Variants in SUMF1 observed in about 807,000 individuals in gnomAD.
SUMF1 encodes sulfatase modifying factor 1.
Under a neutral mutation model 47.6 loss-of-function variants are expected in SUMF1, and 48 were observed. That is an observed-to-expected ratio of 1.01 (90% CI 0.80 to 1.28). The LOEUF (loss-of-function observed/expected upper bound fraction) is 1.28, where lower values mean the gene tolerates loss of function less well. Among genes scored for constraint, SUMF1 ranks in the 50% most tolerant of loss-of-function variants. The pLI, the probability that SUMF1 is intolerant of heterozygous loss-of-function variation, is 0.00. For synonymous variants in SUMF1, 230 were observed against 192.1 expected (o/e 1.20, Z -1.63); for missense variants, 571 against 485.4 (o/e 1.18, Z -1.66).
chr3:4,083,526 T>G (rs1692610456), intron 8 of SUMF1, among the ~76,000 whole-genome samples: 1 of 152,152 alleles, frequency 6.6e-6, no homozygotes, highest in South Asian at 2.1e-4. Flanking sequence ...GAAAAGTCTA[T>G]GTGTCTTGTT....
rs148874942 is a variant in SUMF1 at position 4,084,320 on chromosome 3, T to C, written c.1015-15575A>G. Among the ~76,000 whole-genome samples, 132 of 152,004 alleles carry C rather than the reference T, an allele frequency of 8.7e-4. 2 individuals carry two copies. Among genetic ancestry groups the C allele is most frequent in the African/African-American group, 3.0e-3 (124 of 41,416 alleles). On this transcript the variant is annotated intron_variant and NMD_transcript_variant, in intron 8 of 12. Coordinates refer to the SUMF1 transcript ENST00000448413. ...GACTATACAGGAGGCTACTCAGGAG[T>C]AGATGTTTTGAGAAATGTTGTAATT...
intron 8 of SUMF1, among the ~76,000 whole-genome samples, chr3:4,074,677 A>G (rs1259822915): frequency 6.6e-6 from 1 of 152,140 alleles, no homozygotes; most frequent in Non-Finnish European, 1.5e-5. Flanking sequence ...ATCCCATGGA[A>G]ATACAAACTA....
intron 8 of SUMF1, among the ~76,000 whole-genome samples, chr3:4,157,053 G>C (rs958010570): frequency 6.6e-6 from 1 of 151,506 alleles, no homozygotes. Context: ...TCAGTGTCTG[G>C]AGACTAACTT....
intron 3 of SUMF1, among the ~76,000 whole-genome samples, chr3:4,440,122 G>C (rs1702532746): frequency 6.6e-6 from 1 of 151,818 alleles, no homozygotes; most frequent in Non-Finnish European, 1.5e-5. Context: ...TATAATCCCA[G>C]CTACTTGGGA....
At chr3:4,123,314 T>C (rs1693585447) in intron 8 of SUMF1, among the ~76,000 whole-genome samples, 1 of 152,138 alleles carries the variant, frequency 6.6e-6, no homozygotes, top group Non-Finnish European at 1.5e-5. Flanking sequence ...ACAGACACTT[T>C]ATCTCACAAT....
rs144131589 is a variant in SUMF1, at chr3:4,076,981, G to A, written c.1015-8236C>T. On this transcript the variant is annotated intron_variant and NMD_transcript_variant, in intron 8 of 12. Coordinates refer to the SUMF1 transcript ENST00000448413. ...ATCGTGCCACTGCACTCCAGCCTGGGCAACAGAGCGAGACTCCATCTCAAA... is the reference window on the plus strand; with the variant it reads ...ATCGTGCCACTGCACTCCAGCCTGGACAACAGAGCGAGACTCCATCTCAAA... 4.5e-4 allele frequency among the ~76,000 whole-genome samples: 69 copies of A among 152,114 alleles called. No homozygotes were observed. In the East Asian group the frequency reaches 0.013, roughly 29 times the overall value.
intron 8 of SUMF1, among the ~76,000 whole-genome samples, chr3:4,093,559 CA>C (rs907506890): frequency 4.0e-5 from 6 of 150,032 alleles, no homozygotes; most frequent in Admixed American, 1.3e-4. Context: ...AAACACTAAA[CA>C]AAAAAAAAGT....
intron 7 of SUMF1, among the ~76,000 whole-genome samples, chr3:4,382,173 T>C (rs559690465): frequency 7.9e-5 from 12 of 152,360 alleles, no homozygotes; most frequent in Admixed American, 3.3e-4. Context: ...TGGTTCAGAC[T>C]GACAATGCCT....
intron 9 of SUMF1, among the ~76,000 whole-genome samples, chr3:4,047,600 G>A (rs577513059): frequency 2.0e-5 from 3 of 152,242 alleles, no homozygotes; most frequent in East Asian, 3.9e-4. Context: ...CTGGTGAGTT[G>A]GATTACATAG....
chr3:4,258,699 G>T (rs1238244853), intron 8 of SUMF1, among the ~76,000 whole-genome samples: 1 of 149,102 alleles, frequency 6.7e-6, no homozygotes, highest in Non-Finnish European at 1.5e-5. Flanking sequence ...GTGGAAGTCA[G>T]TGTGGTGATT....
intron 8 of SUMF1, among the ~76,000 whole-genome samples, chr3:4,071,398 G>A (rs1043859241): frequency 2.6e-5 from 4 of 152,158 alleles, no homozygotes; most frequent in South Asian, 2.1e-4. Context: ...CTAGCCAAGA[G>A]AAGCCATGAG....
intron 8 of SUMF1, among the ~76,000 whole-genome samples, chr3:4,150,732 GA>G (rs1306877061): frequency 7.9e-5 from 12 of 151,576 alleles, no homozygotes. Flanking sequence ...ATACCACTAT[GA>G]AAAGATGCAC....
At chr3:4,113,618 G>C (rs1209773921) in intron 8 of SUMF1, among the ~76,000 whole-genome samples, 1 of 151,920 alleles carries the variant, frequency 6.6e-6, no homozygotes, top group Non-Finnish European at 1.5e-5. Context: ...AACTAAAAGA[G>C]AGGACTTTTA....
At chr3:4,171,849 A>T (rs952730170) in intron 8 of SUMF1, among the ~76,000 whole-genome samples, 4 of 152,188 alleles carry the variant, frequency 2.6e-5, no homozygotes, top group Non-Finnish European at 4.4e-5. Context: ...CATATACCTG[A>T]AACATCAGGT....
intron 8 of SUMF1, among the ~76,000 whole-genome samples, chr3:4,112,377 T>C (rs1246684766): frequency 6.6e-6 from 1 of 152,164 alleles, no homozygotes; most frequent in Non-Finnish European, 1.5e-5. Context: ...CATTACTTAG[T>C]GTACCTGGTC....
chr3:4,280,734 C>A (rs1575048914), intron 8 of SUMF1, among the ~76,000 whole-genome samples: 1 of 151,830 alleles, frequency 6.6e-6, no homozygotes, highest in East Asian at 1.9e-4. Flanking sequence ...TAGAGAAGAG[C>A]CTGTTCCAGG....
intron 8 of SUMF1, among the ~76,000 whole-genome samples, chr3:4,169,803 CA>C (rs1252367934): frequency 2.3e-4 from 35 of 152,170 alleles, no homozygotes; most frequent in Non-Finnish European, 4.0e-4. Context: ...TTTAAATAAA[CA>C]GTATAGTATC....
At chr3:4,282,076 T>C (rs575714826) in intron 8 of SUMF1, among the ~76,000 whole-genome samples, 1 of 152,306 alleles carries the variant, frequency 6.6e-6, no homozygotes, top group Non-Finnish European at 1.5e-5. Context: ...GTGATACATT[T>C]AATGTTGTCT....
At chr3:4,221,905 AT>A (rs1305530009) in intron 8 of SUMF1, among the ~76,000 whole-genome samples, 6 of 151,692 alleles carry the variant, frequency 4.0e-5, no homozygotes, top group East Asian at 3.9e-4. Context: ...TAGAATTGTG[AT>A]TTTTTTTCTT....
Sources: allele counts gnomAD v4.1 joint callset (sites outside exome capture counted in the v4.1 genomes callset), GRCh38; gene constraint gnomAD v4.1.1; transcripts MANE v1.5; gene names NCBI Gene and HGNC (gene_info 2026-07-23, HGNC 2026-07-21).